GRIN2A: variants seen among roughly 807,000 people sequenced by gnomAD.
GRIN2A encodes glutamate ionotropic receptor NMDA type subunit 2A.
In GRIN2A, 22 loss-of-function variants were observed where a neutral mutation model predicts 113.4. The observed-to-expected ratio is 0.19, with a 90% CI of 0.14 to 0.28. The LOEUF (loss-of-function observed/expected upper bound fraction) is 0.28, where lower values mean the gene tolerates loss of function less well. Ranked by LOEUF, GRIN2A falls within the 10% of genes least tolerant of loss-of-function variation. The pLI is 1.00. For synonymous variants in GRIN2A, 827 were observed against 738.4 expected, an observed-to-expected ratio of 1.12 and a Z score of -1.94; for missense variants, 1,502 against 1,887.0, an observed-to-expected ratio of 0.80 and a Z score of 3.78.
At chr16:10,068,541 C>T (rs961882025) in intron 2 of GRIN2A, among the ~76,000 whole-genome samples, 3 of 152,168 alleles carry the variant, frequency 2.0e-5, no homozygotes, top group African/African-American at 7.2e-5. Context: ...CACTCAGTAC[C>T]AAGAGTGTGG....
chr16:10,011,618 G>A (rs2046507265), intron 2 of GRIN2A, among the ~76,000 whole-genome samples: 1 of 152,168 alleles, frequency 6.6e-6, no homozygotes, highest in South Asian at 2.1e-4. Context: ...CCCTAGAGAG[G>A]CTCTCCTTAT....
chr16:9,766,080 C>T (rs956952201), intron 12 of GRIN2A, among the ~76,000 whole-genome samples: 5 of 152,186 alleles, frequency 3.3e-5, no homozygotes, highest in Non-Finnish European at 4.4e-5. Context: ...TCTCCCCACT[C>T]CTACCCCAGA....
intron 2 of GRIN2A, among the ~76,000 whole-genome samples, chr16:10,114,166 G>T (rs1209092020): frequency 6.6e-6 from 1 of 152,060 alleles, no homozygotes; most frequent in Admixed American, 6.6e-5. Flanking sequence ...ACTCCAGCCT[G>T]GGCAACAGAG....
intron 3 of GRIN2A, among the ~76,000 whole-genome samples, chr16:9,935,613 T>C (rs2044697114): frequency 6.6e-6 from 1 of 151,044 alleles, no homozygotes; most frequent in South Asian, 2.1e-4. Flanking sequence ...TTCAAAGTCC[T>C]AAAGCCTTCC....
chr16:9,942,393 C>T (rs1262464760), intron 2 of GRIN2A, among the ~76,000 whole-genome samples: 4 of 152,118 alleles, frequency 2.6e-5, no homozygotes, highest in African/African-American at 4.8e-5. Context: ...TAGCCAGCCC[C>T]GTGGCTTTGA....
chr16:9,788,285 C>A (rs2141201040), intron 11 of GRIN2A, among the ~76,000 whole-genome samples: 1 of 150,908 alleles, frequency 6.6e-6, no homozygotes, highest in East Asian at 1.9e-4. Context: ...GGGATGGAGT[C>A]TTGCTCTGTT....
intron 2 of GRIN2A, among the ~76,000 whole-genome samples, chr16:9,946,692 A>C (rs1300792983): frequency 6.6e-6 from 1 of 152,186 alleles, no homozygotes; most frequent in Non-Finnish European, 1.5e-5. Flanking sequence ...ATCTGATCTA[A>C]TCAGAGTGGC....
intron 9 of GRIN2A, among the ~76,000 whole-genome samples, chr16:9,822,979 G>A (rs983965941): frequency 6.6e-6 from 1 of 152,046 alleles, no homozygotes; most frequent in African/African-American, 2.4e-5. Context: ...ACTCCTGCAG[G>A]CACTATTTAT....
intron 11 of GRIN2A, among the ~76,000 whole-genome samples, chr16:9,786,522 A>G (rs1162107704): frequency 6.6e-6 from 1 of 152,140 alleles, no homozygotes; most frequent in East Asian, 1.9e-4. Context: ...CAGGGTAATG[A>G]TGCTGTTTCA....
intron 4 of GRIN2A, among the ~76,000 whole-genome samples, chr16:9,852,637 G>A (rs149508592): frequency 5.3e-5 from 8 of 152,282 alleles, no homozygotes; most frequent in African/African-American, 1.9e-4. Context: ...AAGCTGCTGT[G>A]TCAACACTGC....
At chr16:9,826,526 C>A (rs113583610) in intron 9 of GRIN2A, among the ~76,000 whole-genome samples, 2 of 151,522 alleles carry the variant, frequency 1.3e-5, no homozygotes, top group Middle Eastern at 3.2e-3. Context: ...GATAAACAAA[C>A]AACAAAAAAA....
intron 5 of GRIN2A, among the ~76,000 whole-genome samples, chr16:9,844,413 A>T (rs148391912): frequency 6.6e-6 from 1 of 152,312 alleles, no homozygotes; most frequent in African/African-American, 2.4e-5. Context: ...GTAATTATGG[A>T]ATTGCAGACC....
intron 12 of GRIN2A, among the ~76,000 whole-genome samples, chr16:9,765,303 C>G (rs1473435762): frequency 6.6e-6 from 1 of 152,150 alleles, no homozygotes; most frequent in African/African-American, 2.4e-5. Context: ...GGTCACCAAT[C>G]CAAGCTTTCA....
chr16:10,034,932 T>A (rs767131650), intron 2 of GRIN2A, among the ~76,000 whole-genome samples: 4 of 152,242 alleles, frequency 2.6e-5, no homozygotes, highest in African/African-American at 4.8e-5. Flanking sequence ...TACAGTAATC[T>A]TTCTAAAACT....
chr16:10,106,208 A>C (rs1384083393), intron 2 of GRIN2A, among the ~76,000 whole-genome samples: 1 of 139,894 alleles, frequency 7.1e-6, no homozygotes, highest in Non-Finnish European at 1.6e-5. Flanking sequence ...TTGTTTGGGG[A>C]AGTGTTTTTT....
chr16:10,048,799 T>A (rs1375830706), intron 2 of GRIN2A, among the ~76,000 whole-genome samples: 1 of 152,170 alleles, frequency 6.6e-6, no homozygotes, highest in Non-Finnish European at 1.5e-5. Flanking sequence ...ATAAAAGACT[T>A]CTCTCCCCAT....
chr16:9,806,849 T>C (rs114957389), intron 10 of GRIN2A, among the ~76,000 whole-genome samples: 1,848 of 152,168 alleles, frequency 0.012, 54 homozygotes, highest in African/African-American at 0.043. Flanking sequence ...TTTGTCTGTG[T>C]GCCCACCCAA....
rs71157796 is a variant in GRIN2A, at chr16:9,979,785, C to CTATATATATATATATATATATATA, written c.415-41258_415-41235dup. On this transcript the variant is annotated intron_variant, in intron 2 of 12. Transcript: ENST00000330684. ...TATATACATATAAGGGACTATGGGACTATATATATATATATATATATATAT... is the reference window on the plus strand; with the variant it reads ...TATATACATATAAGGGACTATGGGACTATATATATATATATATATATATATATATATATATATATATATATATAT... Among the ~76,000 whole-genome samples, 1,119 of 121,856 alleles carry CTATATATATATATATATATATATA rather than the reference C, an allele frequency of 9.2e-3. 9 individuals are homozygous for CTATATATATATATATATATATATA. The highest frequency in any genetic ancestry group is 0.018 in the East Asian group (61 of 3,320). The allele number at this position is 121,856 out of a possible 152,430, so 79.9% of individuals were successfully genotyped here.
intron 2 of GRIN2A, among the ~76,000 whole-genome samples, chr16:10,066,711 G>A (rs185908564): frequency 3.0e-4 from 45 of 152,280 alleles, no homozygotes; most frequent in African/African-American, 1.1e-3. Context: ...ATGGCAGAGG[G>A]TTAACCTCCC....
Sources: gnomAD v4.1 joint callset for allele counts (sites outside exome capture counted in the v4.1 genomes callset) on GRCh38, gnomAD v4.1.1 for gene constraint, MANE v1.5 for transcripts, NCBI Gene and HGNC (gene_info 2026-07-23, HGNC 2026-07-21) for gene names.